Variants in ME1 observed in about 807,000 individuals in gnomAD.
ME1 encodes NADP-dependent malic enzyme.
ME1 carries 74 observed loss-of-function variants against 66.4 expected under a neutral mutation model. The observed-to-expected ratio is 1.11, with a 90% CI of 0.92 to 1.35. ME1 has a LOEUF of 1.35. ME1 is among the 40% of genes most tolerant of loss of function. ME1 has a pLI of 0.00. For missense variants in ME1, 750 were observed against 694.1 expected (o/e 1.08, Z -0.90); for synonymous variants, 251 against 235.6 (o/e 1.07, Z -0.60).
intron 1 of ME1, among the ~76,000 whole-genome samples, chr6:83,415,268 A>T (rs1291930049): frequency 6.6e-6 from 1 of 152,160 alleles, no homozygotes; most frequent in East Asian, 1.9e-4. Context: ...AACACATTTA[A>T]TTACCAATTA....
At chr6:83,263,073 C>A (rs1160952598) in intron 6 of ME1, among the ~76,000 whole-genome samples, 1 of 152,132 alleles carries the variant, frequency 6.6e-6, no homozygotes. Flanking sequence ...TTTGGTAATG[C>A]TCCCAATATT....
intron 1 of ME1, among the ~76,000 whole-genome samples, chr6:83,424,595 C>A (rs1284243290): frequency 1.3e-5 from 2 of 152,164 alleles, no homozygotes; most frequent in Admixed American, 1.3e-4. Flanking sequence ...GCAAACCTGA[C>A]TGATTAGATC....
intron 13 of ME1, among the ~76,000 whole-genome samples, chr6:83,215,665 C>G (rs1483955006): frequency 6.6e-6 from 1 of 152,180 alleles, no homozygotes; most frequent in Non-Finnish European, 1.5e-5. Context: ...TGTACACACA[C>G]AGAGAAAAGG....
intron 1 of ME1, among the ~76,000 whole-genome samples, chr6:83,408,730 C>A (rs1769992536): frequency 2.0e-5 from 3 of 152,144 alleles, no homozygotes; most frequent in Admixed American, 6.5e-5. Flanking sequence ...AATATCAGAG[C>A]AGCTCCCGTA....
chr6:83,301,774 T>C (rs1767725684), intron 6 of ME1, among the ~76,000 whole-genome samples: 1 of 152,198 alleles, frequency 6.6e-6, no homozygotes, highest in Non-Finnish European at 1.5e-5. Context: ...TCAGAATGGC[T>C]ATTATTTAAA....
intron 3 of ME1, among the ~76,000 whole-genome samples, chr6:83,397,548 T>C (rs1386263625): frequency 1.3e-5 from 2 of 152,160 alleles, no homozygotes; most frequent in African/African-American, 4.8e-5. Flanking sequence ...GTAAATCTAT[T>C]ATGGAAAACA....
intron 3 of ME1, chr6:83,392,944 T>A: frequency 1.2e-6 from 1 of 829,946 alleles, no homozygotes. Context: ...CTCATGACCA[T>A]CGCTGCCACC....
intron 2 of ME1, among the ~76,000 whole-genome samples, chr6:83,399,767 C>A (rs1024218004): frequency 6.6e-6 from 1 of 152,188 alleles, no homozygotes; most frequent in Non-Finnish European, 1.5e-5. Flanking sequence ...AACAATCTTA[C>A]CAGCCATTTT....
chr6:83,239,097 T>C (rs1160780847), intron 8 of ME1, among the ~76,000 whole-genome samples: 1 of 151,894 alleles, frequency 6.6e-6, no homozygotes, highest in Non-Finnish European at 1.5e-5. Flanking sequence ...TAATTCAAAA[T>C]GTTTTTTCTT....
At chr6:83,231,943 G>C (rs1262203856) in intron 9 of ME1, among the ~76,000 whole-genome samples, 1 of 151,878 alleles carries the variant, frequency 6.6e-6, no homozygotes, top group Non-Finnish European at 1.5e-5. Context: ...CCTTTATATT[G>C]TGATGATTCT....
intron 7 of ME1, among the ~76,000 whole-genome samples, chr6:83,246,715 C>A (rs938605371): frequency 3.3e-5 from 5 of 152,096 alleles, no homozygotes; most frequent in African/African-American, 1.2e-4. Flanking sequence ...ATCACTATTT[C>A]TTCAGGATAA....
intron 6 of ME1, among the ~76,000 whole-genome samples, chr6:83,303,188 C>A (rs1051385335): frequency 6.6e-6 from 1 of 152,036 alleles, no homozygotes; most frequent in African/African-American, 2.4e-5. Flanking sequence ...GATACTGATA[C>A]AGATGTTTCA....
chr6:83,356,247 T>TG (rs1562488922), intron 3 of ME1, among the ~76,000 whole-genome samples: 2 of 152,134 alleles, frequency 1.3e-5, no homozygotes, highest in Admixed American at 1.3e-4. Flanking sequence ...AATAACCCTC[T>TG]GTTCCATTAC....
rs557410396 is a variant in ME1, at chr6:83,271,410, G to A, written c.705-17672C>T. Among the ~76,000 whole-genome samples, 15 of 152,216 alleles carry A rather than the reference G, an allele frequency of 9.9e-5. No homozygotes were observed. In the South Asian group the frequency reaches 3.1e-3, roughly 32 times the overall value. On this transcript the variant is annotated intron_variant, in intron 6 of 13. Transcript: ENST00000369705. ...TGTGGCTACAACTGAGTCACATGGA[G>A]GCTGCAATTGGTTTTTTGAAATTTG...
intron 6 of ME1, among the ~76,000 whole-genome samples, chr6:83,313,650 T>G (rs1220193795): frequency 6.6e-6 from 1 of 152,186 alleles, no homozygotes; most frequent in Non-Finnish European, 1.5e-5. Flanking sequence ...TACAATCTCT[T>G]GATTAATGTT....
intron 7 of ME1, among the ~76,000 whole-genome samples, chr6:83,242,576 G>A (rs1004926079): frequency 1.3e-5 from 2 of 152,196 alleles, no homozygotes; most frequent in South Asian, 4.1e-4. Context: ...AGGACACAAT[G>A]AGTAGGAAAA....
At chr6:83,416,722 T>G (rs1411209064) in intron 1 of ME1, among the ~76,000 whole-genome samples, 1 of 151,758 alleles carries the variant, frequency 6.6e-6, no homozygotes, top group African/African-American at 2.4e-5. Context: ...GATCCCCATC[T>G]CTACAAAAAA....
chr6:83,290,469 T>A (rs1344747422), intron 6 of ME1, among the ~76,000 whole-genome samples: 1 of 152,220 alleles, frequency 6.6e-6, no homozygotes, highest in Non-Finnish European at 1.5e-5. Flanking sequence ...GAGTTCTAAT[T>A]TGATTGCACT....
chr6:83,390,590 C>T (rs75377517), intron 3 of ME1, among the ~76,000 whole-genome samples: 2,365 of 152,032 alleles, frequency 0.016, 69 homozygotes, highest in African/African-American at 0.054. Context: ...TGGAAAACTT[C>T]AAAATCATCA....
Sources: allele counts gnomAD v4.1 joint callset (sites outside exome capture counted in the v4.1 genomes callset), GRCh38; gene constraint gnomAD v4.1.1; transcripts MANE v1.5; gene names NCBI Gene and HGNC (gene_info 2026-07-23, HGNC 2026-07-21).